The following LRRC27 variants were observed in gnomAD, a reference collection of about 807,000 sequenced individuals.
LRRC27 encodes the protein leucine-rich repeat-containing protein 27.
In LRRC27, 57 loss-of-function variants were observed where a neutral mutation model predicts 55.0. That is an observed-to-expected ratio of 1.04 (90% CI 0.84 to 1.29). LRRC27 has a LOEUF of 1.29. Ranked by LOEUF, LRRC27 falls within the 50% of genes most tolerant of loss-of-function variation. LRRC27 has a pLI of 0.00. For synonymous variants in LRRC27, 278 were observed against 251.9 expected (o/e 1.10, Z -0.98); for missense variants, 721 against 651.5 (o/e 1.11, Z -1.16).
rs1234783820 is a variant in LRRC27 at position 132,374,117 on chromosome 10, A to G, written c.1417-949A>G. ...CATGGTGAGGGGGTGCAGTGGCTCC[A>G]GGGACCTGCTGTGATTATGGCTGCA... On this transcript the variant is annotated intron_variant, in intron 10 of 10. Transcript: ENST00000368614. The surrounding 1 kb of genome is among the most constrained non-coding windows in gnomAD (Gnocchi z 4.4). Among the ~76,000 whole-genome samples the G allele has an allele frequency of 4.0e-5, 5 of 124,994 alleles. No individual in the cohort carries two copies. The highest frequency in any genetic ancestry group is 1.1e-4 in the African/African-American group (3 of 28,268). The allele number at this position is 124,994 out of a possible 152,430, so 82.0% of individuals were successfully genotyped here. A position where few individuals can be genotyped will look rare whatever the true frequency, so the allele number is the denominator to read the frequency against.
rs146455253 is a variant in LRRC27 at position 132,361,566 on chromosome 10, A to C, written c.1280A>C (p.Lys427Thr). The C allele has an allele frequency of 1.1e-4, 184 of 1,612,662 alleles. No individual in the cohort carries two copies. The African/African-American group carries it at 2.2e-3, about 19-fold the overall frequency. The change falls in exon 9 of 11, where the codon AAA (lysine) becomes ACA (threonine). Residue 427 changes from lysine to threonine, a missense_variant. Physicochemically the swap from Lys to Thr is moderately conservative, Grantham distance 78 (BLOSUM62 -1). Transcript: ENST00000368614. ...AAAGAGAAATCGCCACAAGCAAGTA[A>C]AGAAATGAGGTTGGTAACTGCAACT... The part of the protein sequence containing the change: ...PSKEKSPQAS[K>T]EMSALQERNL...
At chr10:132,341,758 A>G (rs2138669049) in intron 3 of LRRC27, among the ~76,000 whole-genome samples, 1 of 152,336 alleles carries the variant, frequency 6.6e-6, no homozygotes. Context: ...ATGATAAAAC[A>G]CTGGGATTCC....
rs1193520245 is a variant in LRRC27 at position 132,376,769 on chromosome 10, TTG to T, written c.*1535_*1536del. ...ATTTTGAGTTGTTGGGTACATTGTT[TTG>T]TGTGTGTCAGGTGACATTGACTAAT... On this transcript the variant is annotated 3_prime_UTR_variant, in exon 11 of 11. Coordinates refer to ENST00000368614, the MANE Select transcript of LRRC27 (RefSeq NM_030626.3). 6.6e-6 allele frequency: 1 copy of T among 152,272 alleles called. No individual in the cohort carries two copies. Among genetic ancestry groups the T allele is most frequent in the Non-Finnish European group, 1.5e-5 (1 of 68,066 alleles). 9.4% of individuals were successfully genotyped at this position (152,272 alleles called of 1,614,324 possible).
intron 7 of LRRC27, among the ~76,000 whole-genome samples, chr10:132,354,884 C>CG (rs1295327612): frequency 6.6e-6 from 1 of 152,140 alleles, no homozygotes; most frequent in Non-Finnish European, 1.5e-5. Flanking sequence ...GCTGGCCTTC[C>CG]GGGGGTGGAG....
Position 132,348,070 on chromosome 10 carries a change from G to C in LRRC27, c.640G>C (p.Ala214Pro). The C allele has an allele frequency of 6.2e-7, 1 of 1,614,118 alleles. No homozygotes were observed. Among genetic ancestry groups the C allele is most frequent in the African/African-American group, 1.3e-5 (1 of 75,064 alleles). ...LSGDHASNQG[A>P]VNAQDPEGAV... ...TGGAGACCACGCGTCTAACCAAGGA[G>C]CTGTGAACGCTCAGGACCCAGAGGG... Residue 214 changes from alanine to proline, a missense_variant, in exon 6 of 11, where the codon GCT (alanine) becomes CCT (proline). Coordinates refer to ENST00000368614, the MANE Select transcript of LRRC27 (RefSeq NM_030626.3). This position sits in a 1 kb window ranked among gnomAD's most constrained non-coding sequence, Gnocchi z 4.2.
At chr10:132,337,123 A>G (rs539477233) in intron 2 of LRRC27, 94 of 1,211,010 alleles carry the variant, frequency 7.8e-5, no homozygotes, top group Non-Finnish European at 9.2e-5. Flanking sequence ...TTAATGATTG[A>G]GTTGGGCTGA....
rs1165556061 is a variant in LRRC27, at chr10:132,362,887, C to T, written c.1289+1312C>T. Among the ~76,000 whole-genome samples, 5 of 126,330 alleles carry T rather than the reference C, an allele frequency of 4.0e-5. No homozygotes were observed. In the South Asian group the frequency reaches 1.1e-3, roughly 28 times the overall value. The allele number at this position is 126,330 out of a possible 152,430, so 82.9% of individuals were successfully genotyped here. A position where few individuals can be genotyped will look rare whatever the true frequency, so the allele number is the denominator to read the frequency against. On this transcript the variant is annotated intron_variant, in intron 9 of 10. Coordinates refer to ENST00000368614, the MANE Select transcript of LRRC27 (RefSeq NM_030626.3). ...CTCACCTCACAGCTGCTCGGGGGTC[C>T]GGGGTTCACCCCTCTCACCTCGCAG...
chr10:132,333,775 C>G (rs180815979), intron 2 of LRRC27, 41 bp downstream of exon 2: 1 of 1,500,264 alleles, frequency 6.7e-7, no homozygotes, highest in Non-Finnish European at 9.2e-7. Flanking sequence ...CCACAGGTCC[C>G]CTATAGACAG....
chr10:132,331,156 G>A (rs1346224336), upstream of LRRC27, among the ~76,000 whole-genome samples: 2 of 134,006 alleles, frequency 1.5e-5, no homozygotes, highest in African/African-American at 5.8e-5. Context: ...GGCCGAGATC[G>A]CGCTACTGCA....
intron 5 of LRRC27, chr10:132,344,854 C>T (rs1008282096): frequency 2.1e-6 from 1 of 477,930 alleles, no homozygotes; most frequent in African/African-American, 1.9e-5. Flanking sequence ...AATCTGGGCA[C>T]ATTATAGATC....
Position 132,348,132 on chromosome 10 carries a change from T to G in LRRC27, c.702T>G (p.Pro234=), listed in dbSNP as rs2067813859. The change falls in exon 6 of 11, where the codon CCT becomes CCG. Residue 234 remains proline, a synonymous_variant. Transcript: ENST00000368614. The surrounding 1 kb of genome is among the most constrained non-coding windows in gnomAD (Gnocchi z 4.2). ...AAGAGAAGGCCAGCTTTCTCCCACC[T>G]GTGGAAAAGCCAGACCTGAGTGAAC... ...VMKEKASFLP[P]VEKPDLSELR... is the part of the protein sequence containing the mutation. 1.2e-6 allele frequency: 2 copies of G among 1,613,956 alleles called. No individual in the cohort carries two copies. Among genetic ancestry groups the G allele is most frequent in the Admixed American group, 1.7e-5 (1 of 60,000 alleles).
At chr10:132,364,228 G>C (rs928354789) in intron 9 of LRRC27, among the ~76,000 whole-genome samples, 1 of 152,012 alleles carries the variant, frequency 6.6e-6, no homozygotes, top group Non-Finnish European at 1.5e-5. Flanking sequence ...CCCTGCTGCT[G>C]GGAGTAAGAG....
In LRRC27 at chr10:132,365,665, A is replaced by T. The variant is rs1354084810; in HGVS notation, c.1416+115A>T. 3.0e-6 allele frequency: 4 copies of T among 1,319,984 alleles called. No homozygotes were observed. The East Asian group carries it at 7.9e-5, about 26-fold the overall frequency. The allele number at this position is 1,319,984 out of a possible 1,614,324, so 81.8% of individuals were successfully genotyped here. On this transcript the variant is annotated intron_variant, in intron 10 of 10. Transcript: ENST00000368614. ...CACCCAGGCTGGAGTGCGGTGGCAC[A>T]ATCTCGGCTCCCTGCAGCCTCCACC...
intron 10 of LRRC27, chr10:132,366,908 C>T: frequency 7.8e-7 from 1 of 1,285,642 alleles, no homozygotes; most frequent in Non-Finnish European, 1.0e-6. Flanking sequence ...GGAGACCCCA[C>T]CCAACCTGAC....
intron 10 of LRRC27, among the ~76,000 whole-genome samples, chr10:132,366,060 G>A (rs1308472503): frequency 6.6e-6 from 1 of 152,266 alleles, no homozygotes; most frequent in Non-Finnish European, 1.5e-5. Flanking sequence ...CCTCAAATGT[G>A]CCAGGCCACA....
rs116038707 is a variant in LRRC27 at position 132,348,180 on chromosome 10, A to T, written c.750A>T (p.Ser250=). ...LSELRKSADS[S]ENWPSEEEIR... is the part of the protein sequence containing the mutation. ...AACTCAGGAAGTCTGCGGACTCCTC[A>T]GAGAACTGGCCCAGCGAGGAGGAGA... Residue 250 remains serine, a synonymous_variant, in exon 6 of 11, where the codon TCA becomes TCT. Coordinates refer to ENST00000368614, the MANE Select transcript of LRRC27 (RefSeq NM_030626.3). This position sits in a 1 kb window ranked among gnomAD's most constrained non-coding sequence, Gnocchi z 4.2. 2.5e-4 allele frequency: 399 copies of T among 1,614,118 alleles called. 1 individual carries two copies. The African/African-American group carries it at 4.5e-3, about 18-fold the overall frequency.
intron 10 of LRRC27, among the ~76,000 whole-genome samples, chr10:132,368,897 C>T (rs1044831797): frequency 1.3e-5 from 2 of 152,244 alleles, no homozygotes; most frequent in South Asian, 2.1e-4. Flanking sequence ...GGAAAAGATA[C>T]ACCCGATAAA....
chr10:132,365,196 G>A (rs1564855816), intron 9 of LRRC27, among the ~76,000 whole-genome samples: 1 of 152,248 alleles, frequency 6.6e-6, no homozygotes, highest in Non-Finnish European at 1.5e-5. Flanking sequence ...AACTACTGAA[G>A]AAGGGATGGG....
At chr10:132,331,140 G>A (rs1403900180), upstream of LRRC27, among the ~76,000 whole-genome samples, 8 of 146,266 alleles carry the variant, frequency 5.5e-5, no homozygotes, top group Non-Finnish European at 1.0e-4. Context: ...GGCGGAGGTC[G>A]CAGTGGGCCG....
Sources: gnomAD v4.1 joint callset for allele counts (sites outside exome capture counted in the v4.1 genomes callset) on GRCh38, gnomAD v4.1.1 for gene constraint, Gnocchi (gnomAD v3.1) non-coding constraint, MANE v1.5 for transcripts, NCBI Gene and HGNC (gene_info 2026-07-23, HGNC 2026-07-21) for gene names.